Variants in PLCH1 observed in about 807,000 individuals in gnomAD.
The protein encoded by PLCH1 is phospholipase C eta 1.
In PLCH1, 60 loss-of-function variants were observed where a neutral mutation model predicts 126.7. The observed-to-expected ratio is 0.47, with a 90% CI of 0.38 to 0.59. The LOEUF (loss-of-function observed/expected upper bound fraction) is 0.59. PLCH1 is among the 20% of genes least tolerant of loss of function. PLCH1 has a pLI of 0.00. For synonymous variants in PLCH1, 719 were observed against 734.9 expected (o/e 0.98, Z 0.35); for missense variants, 1,723 against 2,040.0 (o/e 0.84, Z 2.99).
intron 2 of PLCH1, among the ~76,000 whole-genome samples, chr3:155,608,549 C>T (rs1360682704): frequency 6.6e-6 from 1 of 152,128 alleles, no homozygotes; most frequent in Non-Finnish European, 1.5e-5. Context: ...CCCTAGAAAC[C>T]AGCTCACTAG....
At chr3:155,497,613 T>C (rs1180127975) in intron 14 of PLCH1, among the ~76,000 whole-genome samples, 196 bp from the exon 15 acceptor site, 1 of 152,184 alleles carries the variant, frequency 6.6e-6, no homozygotes, top group Non-Finnish European at 1.5e-5. Flanking sequence ...ACTACAGTAG[T>C]CCCCCCTTAT....
chr3:155,506,345 CT>C (rs57746252), intron 12 of PLCH1, among the ~76,000 whole-genome samples: 32,340 of 130,532 alleles, frequency 0.25, 4,823 homozygotes, highest in African/African-American at 0.49. Context: ...TTCTCACTCT[CT>C]TTTTTTTTTT....
intron 2 of PLCH1, among the ~76,000 whole-genome samples, chr3:155,672,189 C>T (rs1412961330): frequency 1.3e-5 from 2 of 152,150 alleles, no homozygotes; most frequent in Non-Finnish European, 2.9e-5. Context: ...TGGCAGTTCT[C>T]CTGAGTTAAT....
Position 155,546,006 on chromosome 3 carries a change from C to G in PLCH1, c.1362+3781G>C, listed in dbSNP as rs1026182801. Reference sequence around the variant, plus strand: ...ACAGGGATGCCCTCTCTCACCACTCCTATTCAACATAGTGTTGGAAGTTCT... The same window carrying G: ...ACAGGGATGCCCTCTCTCACCACTCGTATTCAACATAGTGTTGGAAGTTCT... On this transcript the variant is annotated intron_variant, in intron 10 of 22. Transcript: ENST00000460012. Among the ~76,000 whole-genome samples, 9 of 151,924 alleles carry G rather than the reference C, an allele frequency of 5.9e-5. No individual in the cohort carries two copies. The South Asian group carries it at 1.0e-3, about 18-fold the overall frequency.
intron 9 of PLCH1, among the ~76,000 whole-genome samples, 195 bp from the exon 10 acceptor site, chr3:155,550,153 C>T (rs757447082): frequency 2.6e-5 from 4 of 152,138 alleles, no homozygotes; most frequent in Admixed American, 6.5e-5. Context: ...ATATACTTTG[C>T]TAAGCATAAT....
intron 10 of PLCH1, among the ~76,000 whole-genome samples, chr3:155,525,269 G>A (rs1276719692): frequency 2.0e-5 from 3 of 152,238 alleles, no homozygotes; most frequent in East Asian, 3.9e-4. Flanking sequence ...CCATGTATTA[G>A]AACCTAATAC....
rs183042115 is a variant in PLCH1 at position 155,642,257 on chromosome 3, A to T, written c.80-45879T>A. Among the ~76,000 whole-genome samples the T allele has an allele frequency of 1.1e-4, 17 of 152,324 alleles. No homozygotes were observed. The East Asian group carries it at 2.1e-3, about 19-fold the overall frequency. ...GATTTCAGCATCCACATTCTGAACTACTTCCCAAGGCTTAGATGTTACTTT... is the reference window on the plus strand; with the variant it reads ...GATTTCAGCATCCACATTCTGAACTTCTTCCCAAGGCTTAGATGTTACTTT... On this transcript the variant is annotated intron_variant, in intron 2 of 22. Coordinates refer to ENST00000460012, the MANE Select transcript of PLCH1 (RefSeq NM_014996.4).
chr3:155,645,630 G>A (rs552923690), intron 2 of PLCH1, among the ~76,000 whole-genome samples: 3 of 152,124 alleles, frequency 2.0e-5, no homozygotes, highest in South Asian at 2.1e-4. Context: ...ACAGGCACAT[G>A]CCACCATGCC....
intron 10 of PLCH1, among the ~76,000 whole-genome samples, chr3:155,528,251 T>C (rs916399752): frequency 1.4e-5 from 2 of 142,218 alleles, no homozygotes; most frequent in Non-Finnish European, 3.1e-5. Context: ...AAAAAAAAAG[T>C]TGGGATCTAA....
intron 4 of PLCH1, 105 bp from the exon 5 acceptor site, chr3:155,586,299 G>C: frequency 8.3e-7 from 1 of 1,205,782 alleles, no homozygotes; most frequent in Non-Finnish European, 1.2e-6. Context: ...AACTTGAGAA[G>C]AAATTATTTT....
chr3:155,595,391 G>A (rs1374959525), intron 3 of PLCH1, among the ~76,000 whole-genome samples: 1 of 152,130 alleles, frequency 6.6e-6, no homozygotes, highest in African/African-American at 2.4e-5. Flanking sequence ...CCTCACTTCT[G>A]CCTTAATGGC....
intron 21 of PLCH1, among the ~76,000 whole-genome samples, chr3:155,473,354 A>T (rs1315484937): frequency 6.6e-6 from 1 of 152,218 alleles, no homozygotes; most frequent in African/African-American, 2.4e-5. Context: ...AATACCTAGG[A>T]ATCCAACTTA....
chr3:155,613,438 A>G (rs1263073036), intron 2 of PLCH1, among the ~76,000 whole-genome samples: 2 of 152,238 alleles, frequency 1.3e-5, no homozygotes, highest in Non-Finnish European at 2.9e-5. Flanking sequence ...ACAGCATATC[A>G]AAAAGATAAT....
rs771458608 is a variant in PLCH1 at position 155,594,151 on chromosome 3, C to T, written c.260G>A (p.Gly87Asp). 1.9e-6 allele frequency: 3 copies of T among 1,613,686 alleles called. No homozygotes were observed. The highest frequency in any genetic ancestry group is 4.5e-5 in the East Asian group (2 of 44,894). ...TCTGTGGAATATTTCAGACTGCCGG[C>T]CCTCAGTCACTTTGTAAATGGAATC... ...LIDSIYKVTE[G>D]RQSEIFHRQA... The change falls in exon 4 of 23, where the codon GGC (glycine) becomes GAC (aspartate). Residue 87 changes from glycine (G) to aspartate (D), a missense_variant. Transcript: ENST00000460012.
At chr3:155,460,883 TG>T (rs1199112247) in intron 21 of PLCH1, among the ~76,000 whole-genome samples, 1 of 152,120 alleles carries the variant, frequency 6.6e-6, no homozygotes, top group Non-Finnish European at 1.5e-5. Flanking sequence ...TTCAACCAGG[TG>T]GTATCCACAA....
chr3:155,537,224 A>C (rs1352149409), intron 10 of PLCH1, among the ~76,000 whole-genome samples: 196 of 10,178 alleles, frequency 0.019, 1 homozygote, highest in African/African-American at 0.029. Context: ...AAAAAAAAAA[A>C]AAAAAAAAAC....
chr3:155,567,967 T>C (rs1343032660), intron 7 of PLCH1, among the ~76,000 whole-genome samples: 1 of 152,202 alleles, frequency 6.6e-6, no homozygotes, highest in Non-Finnish European at 1.5e-5. Context: ...CCCAAATATG[T>C]CATGGCATCC....
chr3:155,625,749 G>A lies in PLCH1; in HGVS notation c.80-29371C>T, dbSNP rs1400966003. On this transcript the variant is annotated intron_variant, in intron 2 of 22. Transcript: ENST00000460012. ...AAACAACAGATGCTGGAGAGGATGTGGAGAAATAGGAATGCTTTTACACTG... is the reference window on the plus strand; with the variant it reads ...AAACAACAGATGCTGGAGAGGATGTAGAGAAATAGGAATGCTTTTACACTG... Among the ~76,000 whole-genome samples the A allele has an allele frequency of 5.3e-5, 8 of 152,206 alleles. No individual in the cohort carries two copies. The South Asian group carries it at 1.7e-3, about 32-fold the overall frequency.
intron 3 of PLCH1, 30 bp from the exon 4 acceptor site, chr3:155,594,214 T>A: frequency 6.3e-7 from 1 of 1,595,844 alleles, no homozygotes; most frequent in Non-Finnish European, 8.6e-7. Context: ...CACACAGTTA[T>A]ACAGCAGGCA....
Sources: gnomAD v4.1 joint callset for allele counts (sites outside exome capture counted in the v4.1 genomes callset) on GRCh38, gnomAD v4.1.1 for gene constraint, MANE v1.5 for transcripts, NCBI Gene and HGNC (gene_info 2026-07-23, HGNC 2026-07-21) for gene names.